Variants in JOSD1 observed in about 807,000 individuals in gnomAD.
JOSD1 encodes josephin-1.
A neutral mutation model predicts 24.3 loss-of-function variants in JOSD1; 11 were observed. The observed-to-expected ratio is 0.45, with a 90% confidence interval of 0.29 to 0.75. The LOEUF (loss-of-function observed/expected upper bound fraction) is 0.75, where lower values mean the gene tolerates loss of function less well. JOSD1 is among the 30% of genes least tolerant of loss of function. The pLI is 0.11. For synonymous variants in JOSD1, 106 were observed against 93.8 expected, an observed-to-expected ratio of 1.13 and a Z score of -0.75; for missense variants, 184 against 253.5, an observed-to-expected ratio of 0.73 and a Z score of 1.86.
intron 2 of JOSD1, among the ~76,000 whole-genome samples, chr22:38,693,924 G>A (rs1478080313): frequency 6.6e-6 from 1 of 152,158 alleles, no homozygotes; most frequent in Non-Finnish European, 1.5e-5. Context: ...TACCTTGCCT[G>A]TAAAAATGGA....
intron 2 of JOSD1, among the ~76,000 whole-genome samples, chr22:38,690,336 C>CT (rs1356164144): frequency 1.3e-5 from 2 of 152,076 alleles, no homozygotes; most frequent in East Asian, 3.8e-4. Context: ...GATGTCAACT[C>CT]TAAAAAACTT....
chr22:38,700,087 A>AC lies in JOSD1; in HGVS notation c.-101dup. 1.3e-6 allele frequency: 2 copies of AC among 1,482,136 alleles called. No homozygotes were observed. Among genetic ancestry groups the AC allele is most frequent in the Non-Finnish European group, 1.8e-6 (2 of 1,118,860 alleles). The allele number at this position is 1,482,136 out of a possible 1,614,324, so 91.8% of individuals were successfully genotyped here. On this transcript the variant is annotated 5_prime_UTR_variant, in exon 2 of 5. Transcript: ENST00000683374. The stretch of plus-strand genomic sequence containing the variant: ...AGTCTTTTCCGGATTCCTGAGGTCC[A>AC]CCTTATTCTCTGGTGTCCATGATTT...
Position 38,686,387 on chromosome 22 carries a change from C to T in JOSD1, c.*1515G>A, listed in dbSNP as rs2092497926. ...CTTTGCTGCTGGAGAGAAGTCTGGCCAGTGGGACAGCTCTCAGACCTGCCA... is the reference window on the plus strand; with the variant it reads ...CTTTGCTGCTGGAGAGAAGTCTGGCTAGTGGGACAGCTCTCAGACCTGCCA... On this transcript the variant is annotated 3_prime_UTR_variant, in exon 5 of 5. Transcript: ENST00000683374. 1 of 152,256 alleles carries T rather than the reference C, an allele frequency of 6.6e-6. No individual in the cohort carries two copies. Among genetic ancestry groups the T allele is most frequent in the Admixed American group, 6.5e-5 (1 of 15,282 alleles). 9.4% of individuals were successfully genotyped at this position (152,256 alleles called of 1,614,324 possible).
At chr22:38,693,036 T>C (rs2092530185) in intron 2 of JOSD1, among the ~76,000 whole-genome samples, 1 of 152,130 alleles carries the variant, frequency 6.6e-6, no homozygotes, top group Non-Finnish European at 1.5e-5. Context: ...GCCATTTCCA[T>C]GTTCATTAAC....
intron 2 of JOSD1, among the ~76,000 whole-genome samples, chr22:38,699,032 C>T (rs1490395835): frequency 2.0e-5 from 3 of 152,192 alleles, no homozygotes; most frequent in Non-Finnish European, 4.4e-5. Flanking sequence ...GCTGGGATTA[C>T]ACCGTACTTG....
chr22:38,693,447 C>T (rs532373269), intron 2 of JOSD1, among the ~76,000 whole-genome samples: 1 of 152,350 alleles, frequency 6.6e-6, no homozygotes, highest in East Asian at 1.9e-4. Flanking sequence ...TTCACCAAGG[C>T]ATCAATTCAC....
At chr22:38,691,343 T>A in intron 2 of JOSD1, among the ~76,000 whole-genome samples, 2 of 137,318 alleles carry the variant, frequency 1.5e-5, no homozygotes, top group African/African-American at 2.7e-5. Flanking sequence ...GGTGATAGAG[T>A]AAGACCCTGT....
At position 38,688,937 on chromosome 22, in the gene JOSD1, G is replaced by A; in HGVS notation, c.507C>T (p.Leu169=). The part of the protein sequence containing the change: ...MPEWIGGESE[L]RKFLKHHLRG... ...TAGTCACAAAAGGTGCCGATTACCT[G>A]AGCTCGCTCTCGCCTCCAATCCACT... Residue 169 remains leucine (L), a splice_region_variant and synonymous_variant, in exon 4 of 5, where the codon CTC becomes CTT. Coordinates refer to ENST00000683374, the MANE Select transcript of JOSD1 (RefSeq NM_001360236.2). 1 of 1,612,960 alleles carries A rather than the reference G, an allele frequency of 6.2e-7. No homozygotes were observed. The highest frequency in any genetic ancestry group is 8.5e-7 in the Non-Finnish European group (1 of 1,179,320).
intron 2 of JOSD1, among the ~76,000 whole-genome samples, chr22:38,694,150 C>A (rs574754869): frequency 2.6e-5 from 4 of 152,192 alleles, no homozygotes; most frequent in East Asian, 1.9e-4. Flanking sequence ...GCCCACCCAG[C>A]GTATTCACCA....
At position 38,700,435 on chromosome 22, in the gene JOSD1, G is replaced by T; in HGVS notation, c.-448C>A. 1 of 987,722 alleles carries T rather than the reference G, an allele frequency of 1.0e-6. No individual in the cohort carries two copies. The highest frequency in any genetic ancestry group is 1.2e-6 in the Non-Finnish European group (1 of 831,326). The allele number at this position is 987,722 out of a possible 1,614,324, so 61.2% of individuals were successfully genotyped here. ...TTGAACCACGACGCCAATGACTCGG[G>T]AGACAAGGCCTGGGTGACGGATAAA... On this transcript the variant is annotated 5_prime_UTR_variant, in exon 2 of 5. Coordinates refer to ENST00000683374, the MANE Select transcript of JOSD1 (RefSeq NM_001360236.2).
intron 2 of JOSD1, among the ~76,000 whole-genome samples, chr22:38,690,365 A>T (rs570041598): frequency 3.9e-5 from 6 of 152,294 alleles, no homozygotes; most frequent in South Asian, 4.1e-4. Flanking sequence ...TTGTATTTTT[A>T]AAATTTTTCT....
intron 2 of JOSD1, among the ~76,000 whole-genome samples, chr22:38,691,708 G>A (rs1255544848): frequency 3.3e-5 from 5 of 151,912 alleles, no homozygotes; most frequent in African/African-American, 1.2e-4. Context: ...TGGCTCTGTC[G>A]CCCAGGCTGG....
intron 2 of JOSD1, among the ~76,000 whole-genome samples, chr22:38,695,574 A>G (rs2092542405): frequency 6.6e-6 from 1 of 151,694 alleles, no homozygotes; most frequent in Non-Finnish European, 1.5e-5. Flanking sequence ...CAGCCTCCCA[A>G]GTAGCTGGAC....
chr22:38,700,289 T>TGGCC lies in JOSD1; in HGVS notation c.-303_-302insGGCC. The TGGCC allele has an allele frequency of 1.5e-5, 13 of 894,380 alleles. No individual in the cohort carries two copies. Among genetic ancestry groups the TGGCC allele is most frequent in the Non-Finnish European group, 1.8e-5 (13 of 733,758 alleles). 55.4% of individuals were successfully genotyped at this position (894,380 alleles called of 1,614,324 possible). ...GACCTTGTTTCCGTTTCCCCACCCT[T>TGGCC]CCCTCCCACCCCCCTCCAAAATCCC... On this transcript the variant is annotated 5_prime_UTR_variant, in exon 2 of 5. Transcript: ENST00000683374.
chr22:38,692,190 C>A (rs976279256), intron 2 of JOSD1, among the ~76,000 whole-genome samples: 1 of 152,232 alleles, frequency 6.6e-6, no homozygotes, highest in African/African-American at 2.4e-5. Context: ...TTAATCTTCA[C>A]AATAAACCTA....
chr22:38,697,626 G>C (rs1569266565), intron 2 of JOSD1, among the ~76,000 whole-genome samples: 1 of 152,248 alleles, frequency 6.6e-6, no homozygotes, highest in Admixed American at 6.5e-5. Context: ...TCCAGTACTC[G>C]AGAAACAGGA....
chr22:38,691,691 C>A (rs2092523142), intron 2 of JOSD1, among the ~76,000 whole-genome samples: 1 of 151,950 alleles, frequency 6.6e-6, no homozygotes, highest in South Asian at 2.1e-4. Flanking sequence ...TTTTTTGAGA[C>A]AGAGTCTGGC....
At chr22:38,694,920 T>G (rs1193043605) in intron 2 of JOSD1, among the ~76,000 whole-genome samples, 2 of 151,392 alleles carry the variant, frequency 1.3e-5, no homozygotes, top group East Asian at 3.9e-4. Context: ...GTCTCCCCAC[T>G]GTCTGTGTCC....
Position 38,699,708 on chromosome 22 carries a change from C to T in JOSD1, c.185+95G>A, listed in dbSNP as rs1156880294. ...CCTGCTAACGCAATCTAGCTAATAC[C>T]TACAGCTTTGAAGGTTTATGAAGCT... On this transcript the variant is annotated intron_variant, in intron 2 of 4. Transcript: ENST00000683374. The T allele has an allele frequency of 3.3e-6, 4 of 1,198,622 alleles. No individual in the cohort carries two copies. In the African/African-American group the frequency reaches 6.0e-5, roughly 18 times the overall value. 74.2% of individuals were successfully genotyped at this position (1,198,622 alleles called of 1,614,324 possible).
Sources: allele counts gnomAD v4.1 joint callset (sites outside exome capture counted in the v4.1 genomes callset), GRCh38; gene constraint gnomAD v4.1.1; transcripts MANE v1.5; gene names NCBI Gene and HGNC (gene_info 2026-07-23, HGNC 2026-07-21).